The following LARP1 variants were observed in gnomAD, a reference collection of about 807,000 sequenced individuals.
The protein encoded by LARP1 is La ribonucleoprotein 1, translational regulator, also known as la-related protein 1.
Under a neutral mutation model 122.7 loss-of-function variants are expected in LARP1, and 36 were observed. The observed-to-expected ratio is 0.29, with a 90% CI of 0.22 to 0.39. The LOEUF is 0.39. Ranked by LOEUF, LARP1 falls within the 10% of genes least tolerant of loss-of-function variation. The probability of loss-of-function intolerance (pLI) is 1.00; values close to 1 mark genes in which losing one functional copy is unlikely to be tolerated. For missense variants in LARP1, 1,040 were observed against 1,403.6 expected, an observed-to-expected ratio of 0.74 and a Z score of 4.14; for synonymous variants, 539 against 528.7, an observed-to-expected ratio of 1.02 and a Z score of -0.27.
intron 1 of LARP1, among the ~76,000 whole-genome samples, chr5:154,764,763 G>A (rs1754784163): frequency 2.6e-5 from 4 of 151,514 alleles, no homozygotes. Context: ...AAAGTAGCTG[G>A]GCGTCATCGT....
intron 1 of LARP1, among the ~76,000 whole-genome samples, chr5:154,741,073 G>T (rs1013606193): frequency 3.3e-5 from 5 of 152,272 alleles, no homozygotes; most frequent in South Asian, 2.1e-4. Context: ...CCCCAGTCCA[G>T]GGACTGGGGA....
intron 1 of LARP1, among the ~76,000 whole-genome samples, chr5:154,715,583 C>A (rs1755455085): frequency 6.6e-6 from 1 of 152,162 alleles, no homozygotes; most frequent in Admixed American, 6.5e-5. Flanking sequence ...TGCTGCTGAA[C>A]ACCAGGGAAG....
intron 1 of LARP1, among the ~76,000 whole-genome samples, chr5:154,749,548 A>T (rs950652783): frequency 6.6e-6 from 1 of 152,160 alleles, no homozygotes. Context: ...ATTGCCATTT[A>T]CATCTCCTTC....
intron 1 of LARP1, among the ~76,000 whole-genome samples, chr5:154,690,142 G>A (rs1220100515): frequency 1.4e-5 from 2 of 141,098 alleles, no homozygotes; most frequent in African/African-American, 2.5e-5. Context: ...CAGGCCTTGT[G>A]AATCTAGGTT....
intron 1 of LARP1, among the ~76,000 whole-genome samples, chr5:154,780,168 C>T (rs569882436): frequency 3.9e-5 from 6 of 152,268 alleles, no homozygotes; most frequent in Non-Finnish European, 5.9e-5. Context: ...TTCAGGCTAC[C>T]AAATGTGCCC....
rs570225713 is a variant in LARP1, at chr5:154,757,324, T to G, written c.436+1131T>G. On this transcript the variant is annotated intron_variant, in intron 1 of 18. Transcript: ENST00000518297. ...TGCAGGAAATCCCAGCAGAGCCGTG[T>G]CAGCGTGGGGGGAGAGGCGGTGCAG... is the stretch of plus-strand genomic sequence containing the variant. The G allele has an allele frequency of 2.0e-5, 3 of 152,164 alleles. No homozygotes were observed. In the East Asian group the frequency reaches 5.9e-4, roughly 30 times the overall value. The allele number at this position is 152,164 out of a possible 1,614,324, so 9.4% of individuals were successfully genotyped here.
chr5:154,790,828 T>A (rs998492624), intron 3 of LARP1, 118 bp downstream of exon 3: 2 of 956,414 alleles, frequency 2.1e-6, no homozygotes, highest in African/African-American at 3.3e-5. Flanking sequence ...CTTTCTTTTT[T>A]TTCCCCCCAA....
chr5:154,691,075 C>T (rs958937785), intron 1 of LARP1, among the ~76,000 whole-genome samples: 29 of 150,982 alleles, frequency 1.9e-4, no homozygotes, highest in Non-Finnish European at 3.0e-5. Context: ...CTGGCTAACA[C>T]GGTGAAACCG....
intron 1 of LARP1, among the ~76,000 whole-genome samples, chr5:154,692,705 T>C (rs1303017051): frequency 6.6e-6 from 1 of 152,162 alleles, no homozygotes; most frequent in Non-Finnish European, 1.5e-5. Flanking sequence ...GCATCACACA[T>C]GGTGGACAGC....
At chr5:154,796,658 A>G (rs886796354) in intron 8 of LARP1, among the ~76,000 whole-genome samples, 1 of 152,200 alleles carries the variant, frequency 6.6e-6, no homozygotes, top group Non-Finnish European at 1.5e-5. Flanking sequence ...CTCTTGTGCT[A>G]TAAGCTGCCA....
chr5:154,802,092 A>C lies in LARP1; in HGVS notation c.1802A>C (p.Glu601Ala). 6.2e-7 allele frequency: 1 copy of C among 1,614,188 alleles called. No homozygotes were observed. Among genetic ancestry groups the C allele is most frequent in the Non-Finnish European group, 8.5e-7 (1 of 1,180,042 alleles). Residue 601 changes from glutamate (E) to alanine (A), a missense_variant, in exon 11 of 19, where the codon GAG becomes GCG. Around this residue, in one of 8 missense-constraint regions of LARP1, gnomAD observed 362 missense variants for 533.1 expected, o/e 0.68. Transcript: ENST00000518297. The surrounding 1 kb of genome is among the most constrained non-coding windows in gnomAD (Gnocchi z 5.1). ...CAGCTGATGTCCAAGGATCAGGATG[A>C]GCAAGAGGAACTGGATTTTCTGTTT... ...SQQLMSKDQD[E>A]QEELDFLFDE... is the part of the protein sequence containing the mutation.
chr5:154,801,749 A>G (rs1485212033), intron 10 of LARP1, among the ~76,000 whole-genome samples: 4 of 152,234 alleles, frequency 2.6e-5, no homozygotes, highest in Non-Finnish European at 5.9e-5. Flanking sequence ...TCCTGCCTAT[A>G]GAGAAGTCAT....
chr5:154,802,041 CTCTGCCTCAGCA>C lies in LARP1; in HGVS notation c.1752_1763del (p.Gln587_Pro590del), dbSNP rs1422993854. On this transcript the variant is annotated inframe_deletion, in exon 11 of 19. Transcript: ENST00000518297. The surrounding 1 kb of genome is among the most constrained non-coding windows in gnomAD (Gnocchi z 5.1). ...GAGTCCAGATTTTCCCACCTGACCT[CTCTGCCTCAGCA>C]GCTGCCTTCCCAGCAGCTGATGTCC... 14 of 1,613,710 alleles carry C rather than the reference CTCTGCCTCAGCA, an allele frequency of 8.7e-6. No homozygotes were observed. The highest frequency in any genetic ancestry group is 1.2e-5 in the Non-Finnish European group (14 of 1,179,882).
chr5:154,740,845 A>G (rs1752841361), intron 1 of LARP1, among the ~76,000 whole-genome samples: 1 of 152,244 alleles, frequency 6.6e-6, no homozygotes, highest in Non-Finnish European at 1.5e-5. Context: ...TGGGCCAAGC[A>G]TCCCTTTTAA....
Position 154,815,989 on chromosome 5 carries a change from G to T in LARP1, c.*1893G>T, listed in dbSNP as rs1313191266. ...CCTTTTCAACTGGTTCCTCTGTTGG[G>T]CCCAAAGGTTGGGAGTAGGAGACAG... On this transcript the variant is annotated 3_prime_UTR_variant, in exon 19 of 19. Coordinates refer to ENST00000518297, the MANE Select transcript of LARP1 (RefSeq NM_033551.3). The T allele has an allele frequency of 6.6e-6, 1 of 152,274 alleles. No homozygotes were observed. The highest frequency in any genetic ancestry group is 1.9e-4 in the East Asian group (1 of 5,204). The allele number at this position is 152,274 out of a possible 1,614,324, so 9.4% of individuals were successfully genotyped here. A position where few individuals can be genotyped will look rare whatever the true frequency, so the allele number is the denominator to read the frequency against.
At chr5:154,716,212 C>T (rs559878203) in intron 1 of LARP1, among the ~76,000 whole-genome samples, 194 of 152,240 alleles carry the variant, frequency 1.3e-3, no homozygotes, top group African/African-American at 4.5e-3. Flanking sequence ...CTCTGCCTCC[C>T]GGGCTCAAGC....
At chr5:154,777,569 G>T (rs948515301) in intron 1 of LARP1, among the ~76,000 whole-genome samples, 4 of 152,060 alleles carry the variant, frequency 2.6e-5, no homozygotes, top group African/African-American at 9.7e-5. Context: ...GGAATAAAAA[G>T]TGTTCCTTCT....
chr5:154,810,736 C>CT (rs1274347317), intron 16 of LARP1, among the ~76,000 whole-genome samples: 1 of 152,142 alleles, frequency 6.6e-6, no homozygotes, highest in African/African-American at 2.4e-5. Flanking sequence ...ATCTGCGTGC[C>CT]TTGGCCTCCC....
chr5:154,719,656 G>A (rs1379954941), intron 1 of LARP1, among the ~76,000 whole-genome samples: 13 of 152,042 alleles, frequency 8.6e-5, no homozygotes, highest in African/African-American at 2.7e-4. Context: ...GAGGCCAGGA[G>A]TTTGAGACCA....
Sources: gnomAD v4.1 joint callset for allele counts (sites outside exome capture counted in the v4.1 genomes callset) on GRCh38, gnomAD v4.1.1 for gene constraint, gnomAD v4.1.1 regional missense constraint, Gnocchi (gnomAD v3.1) non-coding constraint, MANE v1.5 for transcripts, NCBI Gene and HGNC (gene_info 2026-07-23, HGNC 2026-07-21) for gene names.